The following FASTKD1 variants were observed in gnomAD, a reference collection of about 807,000 sequenced individuals.
The protein encoded by FASTKD1 is FAST kinase domain-containing protein 1, mitochondrial.
Under a neutral mutation model 90.9 loss-of-function variants are expected in FASTKD1, and 94 were observed. That is an observed-to-expected ratio of 1.03 (90% confidence interval 0.88 to 1.23). The LOEUF is 1.23. Ranked by LOEUF, FASTKD1 falls within the 50% of genes most tolerant of loss-of-function variation. The pLI is 0.00. For synonymous variants in FASTKD1, 319 were observed against 345.8 expected (o/e 0.92, Z 0.86); for missense variants, 945 against 993.5 (o/e 0.95, Z 0.66).
rs1183146046 is a variant in FASTKD1, at chr2:169,546,484, G to C, written c.1435C>G (p.Leu479Val). 17 of 1,614,142 alleles carry C rather than the reference G, an allele frequency of 1.1e-5. No individual in the cohort carries two copies. Among genetic ancestry groups the C allele is most frequent in the East Asian group, 2.2e-5 (1 of 44,876 alleles). Residue 479 changes from leucine (L) to valine (V), a missense_variant, in exon 8 of 15, where the codon CTA becomes GTA. Physicochemically the swap from Leu to Val is conservative, Grantham distance 32. Transcript: ENST00000453153. ...LDNMTAKQLK[L>V]LQKLDHYGRQ... ...CCATAGTGATCTAATTTTTGAAGTAGTTTCAGTTGTTTCGCAGTCATATTA... is the reference window on the plus strand; with the variant it reads ...CCATAGTGATCTAATTTTTGAAGTACTTTCAGTTGTTTCGCAGTCATATTA...
chr2:169,546,303 ATCTCCCC>A lies in FASTKD1; in HGVS notation c.1609_1615del (p.Gly537LeufsTer16). The A allele has an allele frequency of 6.2e-7, 1 of 1,613,958 alleles. No individual in the cohort carries two copies. The highest frequency in any genetic ancestry group is 8.5e-7 in the Non-Finnish European group (1 of 1,179,936). On this transcript the variant is annotated frameshift_variant, in exon 8 of 15. Coordinates refer to ENST00000453153, the MANE Select transcript of FASTKD1 (RefSeq NM_024622.6). LOFTEE classifies it high-confidence loss of function. The stretch of plus-strand genomic sequence containing the variant: ...ATCAGTACTAGAAATAAAAGATGCA[ATCTCCCC>A]AACATTTATGTAATTAATATCATCC...
rs543652187 is a variant in FASTKD1, at chr2:169,553,031, AC to A, written c.1214+2092del. On this transcript the variant is annotated intron_variant, in intron 7 of 14. Transcript: ENST00000453153. ...AGATAAGCCTGGCCAACATGGTGAAACCTAGTCTCTACCAAAAATACAAAAA... is the reference window on the plus strand; with the variant it reads ...AGATAAGCCTGGCCAACATGGTGAAACTAGTCTCTACCAAAAATACAAAAA... 8.3e-4 allele frequency among the ~76,000 whole-genome samples: 126 copies of A among 152,056 alleles called. 2 individuals are homozygous for A. In the East Asian group the frequency reaches 0.022, roughly 27 times the overall value.
In FASTKD1 at chr2:169,551,112, A is replaced by AG. The variant is rs1685471354; in HGVS notation, c.1214+4011dup. 3.3e-5 allele frequency among the ~76,000 whole-genome samples: 5 copies of AG among 152,280 alleles called. No individual in the cohort carries two copies. In the South Asian group the frequency reaches 1.0e-3, roughly 32 times the overall value. ...AAGCATGAGCACTGTCCTGGGTTAT[A>AG]GGGGAAAAAAAGTAAAAAAATATCG... On this transcript the variant is annotated intron_variant, in intron 7 of 14. Coordinates refer to ENST00000453153, the MANE Select transcript of FASTKD1 (RefSeq NM_024622.6).
intron 3 of FASTKD1, among the ~76,000 whole-genome samples, chr2:169,564,030 A>C (rs968856540): frequency 6.6e-6 from 1 of 152,182 alleles, no homozygotes; most frequent in Non-Finnish European, 1.5e-5. Context: ...ACTAGAAGAG[A>C]ACATGAAAAG....
chr2:169,555,124 C>G lies in FASTKD1; in HGVS notation c.1214G>C (p.Ser405Thr). 3 of 1,606,828 alleles carry G rather than the reference C, an allele frequency of 1.9e-6. No homozygotes were observed. Among genetic ancestry groups the G allele is most frequent in the Non-Finnish European group, 2.5e-6 (3 of 1,178,000 alleles). The change falls in exon 7 of 15, where the codon AGT (serine) becomes ACT (threonine). Residue 405 changes from serine (S) to threonine (T), a missense_variant and splice_region_variant. Transcript: ENST00000453153. The stretch of plus-strand genomic sequence containing the variant: ...AACAAAATTTCTATTTTAATCTTAC[C>G]TAAGCAGTAATTCTCTAAGTTTCGC... ...FFAKLRELLL[S>T]YLKNSFIPTE...
At position 169,567,126 on chromosome 2, in the gene FASTKD1, A is replaced by C. The variant is rs183315018; in HGVS notation, c.446+2058T>G. ...CGAGACTCTGTCTCAAAAAAAAAAA[A>C]ACATAAGTTTATAGATATTTTAGCA... On this transcript the variant is annotated intron_variant, in intron 3 of 14. Coordinates refer to ENST00000453153, the MANE Select transcript of FASTKD1 (RefSeq NM_024622.6). Among the ~76,000 whole-genome samples the C allele has an allele frequency of 5.4e-3, 824 of 152,270 alleles. 2 individuals are homozygous for C. Among genetic ancestry groups the C allele is most frequent in the South Asian group, 0.012 (60 of 4,820 alleles).
At chr2:169,564,952 CTTTT>C (rs557658819) in intron 3 of FASTKD1, among the ~76,000 whole-genome samples, 3 of 109,006 alleles carry the variant, frequency 2.8e-5, no homozygotes, top group Non-Finnish European at 1.9e-5. Flanking sequence ...CCACATTTTT[CTTTT>C]TTTTTTTTTT....
rs1318978747 is a variant in FASTKD1 at position 169,529,247 on chromosome 2, A to C, written c.*578T>G. ...ACTATCCCCATCTTAGTTAATGCTA[A>C]TGACATCCTCTTAGTTGCTTAGGAC... On this transcript the variant is annotated 3_prime_UTR_variant, in exon 15 of 15. Coordinates refer to ENST00000453153, the MANE Select transcript of FASTKD1 (RefSeq NM_024622.6). 6.6e-6 allele frequency among the ~76,000 whole-genome samples: 1 copy of C among 151,784 alleles called. No individual in the cohort carries two copies. The highest frequency in any genetic ancestry group is 1.5e-5 in the Non-Finnish European group (1 of 67,988).
chr2:169,570,767 G>A (rs1426308942), intron 2 of FASTKD1, among the ~76,000 whole-genome samples: 1 of 149,302 alleles, frequency 6.7e-6, no homozygotes, highest in Non-Finnish European at 1.5e-5. Flanking sequence ...CCTCTACCAC[G>A]TGAATTCAAG....
chr2:169,558,092 CTA>C (rs1420447807), intron 5 of FASTKD1, among the ~76,000 whole-genome samples: 1 of 152,180 alleles, frequency 6.6e-6, no homozygotes, highest in Non-Finnish European at 1.5e-5. Context: ...TCTTCATAAA[CTA>C]TGTTGTTACA....
chr2:169,569,126 ACT>A, intron 3 of FASTKD1, 56 bp downstream of exon 3: 2 of 1,403,470 alleles, frequency 1.4e-6, no homozygotes, highest in Non-Finnish European at 2.0e-6. Context: ...TCAAGATTTC[ACT>A]CTGTTAACCC....
At chr2:169,539,992 C>T (rs1684897287) in intron 10 of FASTKD1, 59 bp downstream of exon 10, 3 of 1,129,216 alleles carry the variant, frequency 2.7e-6, no homozygotes, top group Admixed American at 4.7e-5. Context: ...ATAGATAGAC[C>T]TGAGACTTGG....
intron 5 of FASTKD1, among the ~76,000 whole-genome samples, chr2:169,559,080 T>C (rs1449305802): frequency 6.6e-6 from 1 of 151,622 alleles, no homozygotes; most frequent in Non-Finnish European, 1.5e-5. Flanking sequence ...GTTCAAGCGA[T>C]TCTCCTGCCT....
chr2:169,529,661 T>A lies in FASTKD1; in HGVS notation c.*164A>T. 4 of 575,626 alleles carry A rather than the reference T, an allele frequency of 6.9e-6. No individual in the cohort carries two copies. In the South Asian group the frequency reaches 9.0e-5, roughly 13 times the overall value. 35.7% of individuals were successfully genotyped at this position (575,626 alleles called of 1,614,324 possible). On this transcript the variant is annotated 3_prime_UTR_variant, in exon 15 of 15. Coordinates refer to ENST00000453153, the MANE Select transcript of FASTKD1 (RefSeq NM_024622.6). ...TTTCTCTTATACACTCCCACCCCAC[T>A]CCCCACTTGTTCTGCTCCAGCCACA...
intron 7 of FASTKD1, among the ~76,000 whole-genome samples, chr2:169,554,765 A>G (rs983784078): frequency 1.3e-5 from 2 of 152,220 alleles, no homozygotes; most frequent in Non-Finnish European, 1.5e-5. Context: ...GCATGAATGC[A>G]AGACCGAAAG....
At position 169,546,325 on chromosome 2, in the gene FASTKD1, T is replaced by C. The variant is rs1373619385; in HGVS notation, c.1594A>G (p.Asn532Asp). 1 of 1,613,986 alleles carries C rather than the reference T, an allele frequency of 6.2e-7. No homozygotes were observed. The highest frequency in any genetic ancestry group is 1.7e-5 in the Admixed American group (1 of 60,008). Reference protein sequence around the residue: ...ATLQHFMDDINYINVGEIASF... With the variant: ...ATLQHFMDDIDYINVGEIASF... ...GCAATCTCCCCAACATTTATGTAATTAATATCATCCATGAAATGCTGTAAA... is the reference window on the plus strand; with the variant it reads ...GCAATCTCCCCAACATTTATGTAATCAATATCATCCATGAAATGCTGTAAA... Residue 532 changes from asparagine (N) to aspartate (D), a missense_variant, in exon 8 of 15, where the codon AAT becomes GAT. Coordinates refer to ENST00000453153, the MANE Select transcript of FASTKD1 (RefSeq NM_024622.6).
At chr2:169,533,839 A>T (rs1044356729) in intron 12 of FASTKD1, among the ~76,000 whole-genome samples, 6 of 152,124 alleles carry the variant, frequency 3.9e-5, no homozygotes, top group Non-Finnish European at 8.8e-5. Flanking sequence ...CCCAAAATTC[A>T]TCTGTTGAAA....
intron 7 of FASTKD1, among the ~76,000 whole-genome samples, chr2:169,551,764 G>A (rs1486493368): frequency 2.0e-5 from 3 of 152,154 alleles, no homozygotes; most frequent in Non-Finnish European, 4.4e-5. Flanking sequence ...CTGTACTCCA[G>A]CCTGGGAAAA....
In FASTKD1 at chr2:169,546,809, CA is replaced by C. The variant is rs529279223; in HGVS notation, c.1215-106del. On this transcript the variant is annotated intron_variant, in intron 7 of 14. Coordinates refer to ENST00000453153, the MANE Select transcript of FASTKD1 (RefSeq NM_024622.6). ...ACAATTAATAGGTAAGATGATGATT[CA>C]AAAAAACCTCTTTCAAACTATGTTT... 7,826 of 1,144,534 alleles carry C rather than the reference CA, an allele frequency of 6.8e-3. 62 individuals are homozygous for C. Among genetic ancestry groups the C allele is most frequent in the Non-Finnish European group, 8.2e-3 (6,702 of 821,396 alleles). 70.9% of individuals were successfully genotyped at this position (1,144,534 alleles called of 1,614,324 possible). A position where few individuals can be genotyped will look rare whatever the true frequency, so the allele number is the denominator to read the frequency against.
Sources: allele counts gnomAD v4.1 joint callset (sites outside exome capture counted in the v4.1 genomes callset), GRCh38; gene constraint gnomAD v4.1.1; transcripts MANE v1.5; gene names NCBI Gene and HGNC (gene_info 2026-07-23, HGNC 2026-07-21).